CSMD1: variants seen among roughly 807,000 people sequenced by gnomAD.
CSMD1 encodes CUB and Sushi multiple domains 1.
A neutral mutation model predicts 417.5 loss-of-function variants in CSMD1; 213 were observed. The ratio of observed to expected loss-of-function variants is 0.51; its 90% CI spans 0.46 to 0.57. CSMD1 has a LOEUF of 0.57. CSMD1 is among the 20% of genes least tolerant of loss of function. The probability of loss-of-function intolerance (pLI) is 0.00; values close to 1 mark genes in which losing one functional copy is unlikely to be tolerated. For synonymous variants in CSMD1, 2,862 were observed against 1,736.8 expected, an observed-to-expected ratio of 1.65 and a Z score of -16.11; for missense variants, 6,923 against 4,529.7, an observed-to-expected ratio of 1.53 and a Z score of -15.17.
At chr8:3,372,360 G>A (rs76399622) in intron 18 of CSMD1, among the ~76,000 whole-genome samples, 2,998 of 152,258 alleles carry the variant, frequency 0.02, 52 homozygotes, top group South Asian at 0.041. Context: ...TCAGTGACAT[G>A]ATGGGGCACT....
intron 3 of CSMD1, among the ~76,000 whole-genome samples, chr8:4,392,848 A>C (rs557896237): frequency 7.4e-4 from 113 of 151,902 alleles, no homozygotes; most frequent in African/African-American, 2.7e-3. Flanking sequence ...GGCACCTGTA[A>C]TCCCAGCTAC....
chr8:3,340,927 G>A (rs539878319), intron 23 of CSMD1, among the ~76,000 whole-genome samples: 1 of 152,270 alleles, frequency 6.6e-6, no homozygotes, highest in East Asian at 1.9e-4. Flanking sequence ...ATTATAATAA[G>A]AGCTAAGTGC....
intron 22 of CSMD1, among the ~76,000 whole-genome samples, chr8:3,345,174 G>C (rs935694650): frequency 6.6e-6 from 1 of 152,158 alleles, no homozygotes; most frequent in African/African-American, 2.4e-5. Context: ...ACACACTGTA[G>C]GTTCATCCGC....
chr8:4,008,649 C>T lies in CSMD1; in HGVS notation c.611-10539G>A, dbSNP rs113830042. 2.3e-4 allele frequency among the ~76,000 whole-genome samples: 30 copies of T among 128,812 alleles called. No individual in the cohort carries two copies. The Admixed American group carries it at 2.8e-3, about 12-fold the overall frequency. The allele number at this position is 128,812 out of a possible 152,430, so 84.5% of individuals were successfully genotyped here. ...TTTTTGAGACAGGGTCTCGCTCTGT[C>T]GCCCAGGCTGGAGTGCAGTGGTGCG... On this transcript the variant is annotated intron_variant, in intron 4 of 69. Transcript: ENST00000635120.
rs556839199 is a variant in CSMD1, at chr8:3,574,709, T to C, written c.1344+236A>G. Reference sequence around the variant, plus strand: ...CACTATGATACATAAAGGAGGAATGTAGACTTTCTCTCCAGAAGCACTAAA... The same window carrying C: ...CACTATGATACATAAAGGAGGAATGCAGACTTTCTCTCCAGAAGCACTAAA... On this transcript the variant is annotated intron_variant, in intron 10 of 69. Coordinates refer to ENST00000635120, the MANE Select transcript of CSMD1 (RefSeq NM_033225.6). Among the ~76,000 whole-genome samples, 13 of 152,350 alleles carry C rather than the reference T, an allele frequency of 8.5e-5. No homozygotes were observed. The South Asian group carries it at 2.1e-3, about 24-fold the overall frequency.
rs866585662 is a variant in CSMD1 at position 4,036,764 on chromosome 8, G to C, written c.416-4665C>G. On this transcript the variant is annotated intron_variant, in intron 3 of 69. Transcript: ENST00000635120. ...TTATTTTACACCAGGTCCTCAAATA[G>C]CACTGTTGGCAGCACCACTATTTCA... Among the ~76,000 whole-genome samples the C allele has an allele frequency of 3.9e-5, 6 of 152,306 alleles. No homozygotes were observed. In the South Asian group the frequency reaches 8.3e-4, roughly 21 times the overall value.
chr8:3,610,417 C>T (rs1184363378), intron 8 of CSMD1, among the ~76,000 whole-genome samples: 2 of 151,916 alleles, frequency 1.3e-5, no homozygotes, highest in East Asian at 3.9e-4. Context: ...TGCTTATACT[C>T]CCAACTACAC....
chr8:3,302,669 G>A (rs1431190046), intron 25 of CSMD1, among the ~76,000 whole-genome samples: 1 of 152,200 alleles, frequency 6.6e-6, no homozygotes, highest in African/African-American at 2.4e-5. Flanking sequence ...GCAGTCACCA[G>A]CAGATGTTGA....
rs11998499 is a variant in CSMD1 at position 3,953,424 on chromosome 8, T to G, written c.818+44479A>C. ...ATGTGTAATGAGTATATAGAATGTTTCTACTCAAAAATTATTTTGCACAGA... is the reference window on the plus strand; with the variant it reads ...ATGTGTAATGAGTATATAGAATGTTGCTACTCAAAAATTATTTTGCACAGA... On this transcript the variant is annotated intron_variant, in intron 5 of 69. Transcript: ENST00000635120. Among the ~76,000 whole-genome samples, 1,411 of 152,300 alleles carry G rather than the reference T, an allele frequency of 9.3e-3. 18 individuals carry two copies. Among genetic ancestry groups the G allele is most frequent in the African/African-American group, 0.032 (1,336 of 41,560 alleles).
At chr8:3,417,362 T>C (rs1017668540) in intron 12 of CSMD1, among the ~76,000 whole-genome samples, 6 of 152,248 alleles carry the variant, frequency 3.9e-5, no homozygotes, top group Non-Finnish European at 4.4e-5. Context: ...GACAGCTAAC[T>C]TTTTATCTCC....
chr8:3,919,636 C>A (rs1045757492), intron 5 of CSMD1, among the ~76,000 whole-genome samples: 2 of 152,044 alleles, frequency 1.3e-5, no homozygotes, highest in Non-Finnish European at 2.9e-5. Flanking sequence ...TGATTCCATA[C>A]AAATTTTATG....
At chr8:3,912,738 G>C (rs1038221530) in intron 5 of CSMD1, among the ~76,000 whole-genome samples, 1 of 152,178 alleles carries the variant, frequency 6.6e-6, no homozygotes, top group South Asian at 2.1e-4. Flanking sequence ...TGAGCCTGAA[G>C]AGGCAGACTG....
chr8:3,199,266 TTTTTG>T (rs1444474552), intron 33 of CSMD1, among the ~76,000 whole-genome samples: 1 of 152,198 alleles, frequency 6.6e-6, no homozygotes, highest in Non-Finnish European at 1.5e-5. Flanking sequence ...GATATTTTGT[TTTTTG>T]TTTTGTTTTG....
At chr8:3,591,223 C>T (rs1800830011) in intron 8 of CSMD1, among the ~76,000 whole-genome samples, 1 of 152,160 alleles carries the variant, frequency 6.6e-6, no homozygotes, top group African/African-American at 2.4e-5. Context: ...TCAAACAAAG[C>T]AGCAAAATTT....
At chr8:4,225,616 A>G (rs1342687341) in intron 3 of CSMD1, among the ~76,000 whole-genome samples, 4 of 151,108 alleles carry the variant, frequency 2.6e-5, no homozygotes, top group Non-Finnish European at 2.9e-5. Flanking sequence ...GCTGTTGTCC[A>G]TTTTCCTGTC....
At chr8:3,827,489 T>G (rs116420774) in intron 5 of CSMD1, among the ~76,000 whole-genome samples, 227 of 152,332 alleles carry the variant, frequency 1.5e-3, no homozygotes, top group African/African-American at 4.7e-3. Flanking sequence ...ACGTGGTTTT[T>G]AACTTGTAAT....
At chr8:3,225,904 A>T (rs1798473418) in intron 27 of CSMD1, among the ~76,000 whole-genome samples, 1 of 152,202 alleles carries the variant, frequency 6.6e-6, no homozygotes, top group African/African-American at 2.4e-5. Flanking sequence ...AGATGCTAGC[A>T]AATTCTCCAG....
chr8:3,016,984 C>CATTTAACAG (rs1808889891), intron 52 of CSMD1, among the ~76,000 whole-genome samples: 1 of 152,194 alleles, frequency 6.6e-6, no homozygotes, highest in Non-Finnish European at 1.5e-5. Context: ...GCTGACCCAT[C>CATTTAACAG]ATTTAACAGT....
intron 37 of CSMD1, among the ~76,000 whole-genome samples, chr8:3,166,355 G>A (rs1341979552): frequency 6.6e-6 from 1 of 151,988 alleles, no homozygotes; most frequent in African/African-American, 2.4e-5. Flanking sequence ...ACATGGCCCT[G>A]AAACCCCGTC....
Sources: allele counts gnomAD v4.1 joint callset (sites outside exome capture counted in the v4.1 genomes callset), GRCh38; gene constraint gnomAD v4.1.1; transcripts MANE v1.5; gene names NCBI Gene and HGNC (gene_info 2026-07-23, HGNC 2026-07-21).